The following GMDS variants were observed in gnomAD, a reference collection of about 807,000 sequenced individuals.
GMDS encodes the protein GDP-mannose 4,6-dehydratase, also known as GDP-mannose 4,6 dehydratase.
A neutral mutation model predicts 49.9 loss-of-function variants in GMDS; 20 were observed. The observed-to-expected ratio is 0.40, with a 90% confidence interval of 0.28 to 0.58. The LOEUF is 0.58. Among genes scored for constraint, GMDS ranks in the 20% least tolerant of loss-of-function variants. The pLI is 0.42. For synonymous variants in GMDS, 177 were observed against 178.6 expected (o/e 0.99, Z 0.07); for missense variants, 362 against 481.4 (o/e 0.75, Z 2.32).
At chr6:2,045,693 T>C (rs1562002664) in intron 4 of GMDS, among the ~76,000 whole-genome samples, 6 of 152,068 alleles carry the variant, frequency 3.9e-5, no homozygotes, top group Admixed American at 2.6e-4. Flanking sequence ...TTATCAACCT[T>C]TCCTGGAGTA....
At chr6:1,746,177 G>T (rs767645556) in intron 7 of GMDS, among the ~76,000 whole-genome samples, 1 of 152,094 alleles carries the variant, frequency 6.6e-6, no homozygotes, top group Non-Finnish European at 1.5e-5. Context: ...TTTGGCTTCT[G>T]ACTAGAGAAA....
chr6:2,224,340 G>T (rs1780727153), intron 1 of GMDS, among the ~76,000 whole-genome samples: 2 of 152,152 alleles, frequency 1.3e-5, no homozygotes, highest in South Asian at 4.1e-4. Context: ...CTTTAATTCA[G>T]CTCTGTTGCA....
chr6:1,917,758 G>A lies in GMDS; in HGVS notation c.771+12345C>T, dbSNP rs552495534. ...TGTGGACTTGGTGACAGAATGCCCC[G>A]AGAGGCAGGATGCCAGCCGAGTCAC... On this transcript the variant is annotated intron_variant, in intron 7 of 10. Coordinates refer to ENST00000380815, the MANE Select transcript of GMDS (RefSeq NM_001500.4). 1.7e-4 allele frequency among the ~76,000 whole-genome samples: 26 copies of A among 152,284 alleles called. No individual in the cohort carries two copies. In the South Asian group the frequency reaches 5.4e-3, roughly 32 times the overall value.
chr6:1,636,728 G>A (rs549957960), intron 9 of GMDS, among the ~76,000 whole-genome samples: 1 of 152,336 alleles, frequency 6.6e-6, no homozygotes, highest in South Asian at 2.1e-4. Flanking sequence ...CCCTTACCAC[G>A]CTACGGTTAT....
chr6:2,094,048 G>C (rs1165715243), intron 4 of GMDS, among the ~76,000 whole-genome samples: 2 of 152,162 alleles, frequency 1.3e-5, no homozygotes, highest in African/African-American at 2.4e-5. Context: ...GTGGGCCTTT[G>C]TGCGGAAACA....
intron 7 of GMDS, among the ~76,000 whole-genome samples, chr6:1,894,441 C>T (rs926649559): frequency 6.6e-6 from 1 of 151,998 alleles, no homozygotes; most frequent in Admixed American, 6.5e-5. Context: ...AAGTAACCAC[C>T]TAATTTTAAT....
At chr6:1,888,666 G>A (rs758926528) in intron 7 of GMDS, among the ~76,000 whole-genome samples, 4 of 152,102 alleles carry the variant, frequency 2.6e-5, no homozygotes, top group Non-Finnish European at 5.9e-5. Context: ...ATCCCCCAAA[G>A]TCTTAATTCA....
At chr6:1,781,386 G>A (rs1468858024) in intron 7 of GMDS, among the ~76,000 whole-genome samples, 2 of 152,330 alleles carry the variant, frequency 1.3e-5, no homozygotes, top group South Asian at 2.1e-4. Flanking sequence ...GCTTACTCTC[G>A]CTGGCGTGGG....
At chr6:1,734,828 C>T (rs958782663) in intron 8 of GMDS, among the ~76,000 whole-genome samples, 2 of 152,174 alleles carry the variant, frequency 1.3e-5, no homozygotes, top group Admixed American at 6.5e-5. Context: ...CGAGGTGGTG[C>T]TACTGAGGGT....
intron 7 of GMDS, among the ~76,000 whole-genome samples, chr6:1,892,148 G>T (rs1759900102): frequency 1.3e-5 from 2 of 151,906 alleles, no homozygotes; most frequent in African/African-American, 4.8e-5. Flanking sequence ...ATTAAAGTAT[G>T]TTCCTACTTA....
intron 9 of GMDS, among the ~76,000 whole-genome samples, chr6:1,645,639 C>T (rs1006609928): frequency 6.6e-6 from 1 of 152,252 alleles, no homozygotes; most frequent in Non-Finnish European, 1.5e-5. Context: ...GGGCGGGCCC[C>T]TTTCTGCAGA....
chr6:2,092,451 A>G (rs146676561), intron 4 of GMDS, among the ~76,000 whole-genome samples: 144 of 152,318 alleles, frequency 9.5e-4, no homozygotes, highest in African/African-American at 3.2e-3. Context: ...TGTGTTTTCT[A>G]TTACAGTATA....
intron 9 of GMDS, among the ~76,000 whole-genome samples, chr6:1,659,835 T>G (rs1764009873): frequency 6.6e-6 from 1 of 151,838 alleles, no homozygotes; most frequent in African/African-American, 2.4e-5. Flanking sequence ...AGTAAAAAGA[T>G]GATCATAATT....
chr6:2,026,895 T>C (rs914017022), intron 4 of GMDS, among the ~76,000 whole-genome samples: 2 of 152,206 alleles, frequency 1.3e-5, no homozygotes, highest in African/African-American at 4.8e-5. Context: ...TTTGTACTAA[T>C]TCTGAGATGT....
At chr6:1,888,735 T>G (rs373743281) in intron 7 of GMDS, among the ~76,000 whole-genome samples, 2 of 152,198 alleles carry the variant, frequency 1.3e-5, no homozygotes, top group East Asian at 3.9e-4. Context: ...GGCAAGTCCC[T>G]TCTGCCTAGA....
chr6:2,192,033 G>T (rs978347712), intron 1 of GMDS, among the ~76,000 whole-genome samples: 3 of 152,202 alleles, frequency 2.0e-5, no homozygotes, highest in African/African-American at 7.2e-5. Context: ...GGCAGGGGAT[G>T]GGGAGAAGAT....
intron 7 of GMDS, among the ~76,000 whole-genome samples, chr6:1,772,793 C>G (rs1052718778): frequency 3.9e-5 from 6 of 152,214 alleles, no homozygotes; most frequent in Admixed American, 3.9e-4. Context: ...TTCCTCTCCA[C>G]TGTTCTGTAG....
rs79849183 is a variant in GMDS, at chr6:1,842,224, G to T, written c.771+87879C>A. ...AATCCCCTCCTCCAAAAAGTCTTCT[G>T]TAGTGGCTTTGCTGTAGTGGTCGTT... On this transcript the variant is annotated intron_variant, in intron 7 of 10. Coordinates refer to ENST00000380815, the MANE Select transcript of GMDS (RefSeq NM_001500.4). Among the ~76,000 whole-genome samples, 949 of 152,316 alleles carry T rather than the reference G, an allele frequency of 6.2e-3. 9 individuals are homozygous for T. Among genetic ancestry groups the T allele is most frequent in the African/African-American group, 0.021 (865 of 41,562 alleles).
At chr6:1,680,801 T>C (rs1419273853) in intron 9 of GMDS, among the ~76,000 whole-genome samples, 2 of 152,188 alleles carry the variant, frequency 1.3e-5, no homozygotes, top group Admixed American at 6.5e-5. Context: ...CTTCTTATAA[T>C]AGGGCCTGGT....
Sources: allele counts gnomAD v4.1 joint callset (sites outside exome capture counted in the v4.1 genomes callset), GRCh38; gene constraint gnomAD v4.1.1; transcripts MANE v1.5; gene names NCBI Gene and HGNC (gene_info 2026-07-23, HGNC 2026-07-21).